Variants in MAP2 observed in about 807,000 individuals in gnomAD.
MAP2 encodes microtubule-associated protein 2.
A neutral mutation model predicts 137.6 loss-of-function variants in MAP2; 14 were observed. The ratio of observed to expected loss-of-function variants is 0.10; its 90% CI spans 0.07 to 0.16. The LOEUF is 0.16. MAP2 is among the 10% of genes least tolerant of loss of function. MAP2 has a pLI of 1.00. For missense variants in MAP2, 2,088 were observed against 2,191.5 expected (o/e 0.95, Z 0.94); for synonymous variants, 786 against 782.3 (o/e 1.00, Z -0.08).
At chr2:209,670,753 G>A (rs573400526) in intron 5 of MAP2, among the ~76,000 whole-genome samples, 4 of 151,842 alleles carry the variant, frequency 2.6e-5, no homozygotes, top group Non-Finnish European at 4.4e-5. Context: ...TTGTAAATCC[G>A]TTTCAGAAGA....
chr2:209,514,317 G>A (rs1475633775), intron 2 of MAP2, among the ~76,000 whole-genome samples: 1 of 151,890 alleles, frequency 6.6e-6, no homozygotes, highest in African/African-American at 2.4e-5. Flanking sequence ...TGTCTTTGGG[G>A]TGATTATTGT....
chr2:209,679,954 A>G (rs1462934513), intron 6 of MAP2, among the ~76,000 whole-genome samples: 1 of 152,150 alleles, frequency 6.6e-6, no homozygotes, highest in Non-Finnish European at 1.5e-5. Context: ...TTTAAAATAG[A>G]TTTAACCACT....
intron 2 of MAP2, among the ~76,000 whole-genome samples, chr2:209,510,020 A>G (rs1426581521): frequency 9.0e-6 from 1 of 111,062 alleles, no homozygotes; most frequent in Admixed American, 9.9e-5. Flanking sequence ...TTAATCTCCT[A>G]AAGTTATTAC....
At chr2:209,602,368 C>G (rs1442100254) in intron 3 of MAP2, among the ~76,000 whole-genome samples, 1 of 152,116 alleles carries the variant, frequency 6.6e-6, no homozygotes, top group African/African-American at 2.4e-5. Flanking sequence ...TACTTGGCTA[C>G]CCATCCAGTC....
intron 3 of MAP2, among the ~76,000 whole-genome samples, chr2:209,585,742 C>A (rs1057175101): frequency 6.6e-6 from 1 of 152,138 alleles, no homozygotes; most frequent in Non-Finnish European, 1.5e-5. Flanking sequence ...GTATATTACT[C>A]TTACACAATA....
intron 3 of MAP2, among the ~76,000 whole-genome samples, chr2:209,582,843 T>TC (rs949533516): frequency 2.6e-5 from 4 of 152,152 alleles, no homozygotes; most frequent in Non-Finnish European, 5.9e-5. Flanking sequence ...ACGGACAGTA[T>TC]CCTAAGTCCT....
In MAP2 at chr2:209,730,156, C is replaced by T. The variant is rs369711040; in HGVS notation, c.5269-26C>T. The T allele has an allele frequency of 3.8e-6, 6 of 1,592,674 alleles. No individual in the cohort carries two copies. The African/African-American group carries it at 6.7e-5, about 18-fold the overall frequency. On this transcript the variant is annotated intron_variant, in intron 15 of 15. Transcript: ENST00000682079. ...GGGCCAGTTAAGATGCATGAGTTAA[C>T]GAGGACTGATGCTTGTCTTAAACAG... is the stretch of plus-strand genomic sequence containing the variant.
intron 3 of MAP2, among the ~76,000 whole-genome samples, chr2:209,591,002 CAAAG>C (rs908928267): frequency 2.0e-5 from 3 of 152,142 alleles, no homozygotes; most frequent in Non-Finnish European, 1.5e-5. Flanking sequence ...AAAAACAAAA[CAAAG>C]AAGCCTCATA....
At chr2:209,728,938 G>A (rs2075113744) in intron 14 of MAP2, among the ~76,000 whole-genome samples, 1 of 152,196 alleles carries the variant, frequency 6.6e-6, no homozygotes, top group Admixed American at 6.5e-5. Flanking sequence ...GAGCAAATAA[G>A]GAGTCCAATT....
At chr2:209,713,871 T>C (rs995689326) in intron 13 of MAP2, among the ~76,000 whole-genome samples, 1 of 152,140 alleles carries the variant, frequency 6.6e-6, no homozygotes, top group Admixed American at 6.6e-5. Context: ...TTTTTCTCCA[T>C]TGGCTTTATG....
intron 2 of MAP2, among the ~76,000 whole-genome samples, chr2:209,571,394 T>A (rs970358991): frequency 1.3e-5 from 2 of 152,010 alleles, no homozygotes; most frequent in Non-Finnish European, 2.9e-5. Context: ...GTATTCCGAT[T>A]TCTTTCTCTG....
chr2:209,723,540 T>C, intron 13 of MAP2: 1 of 1,012,736 alleles, frequency 9.9e-7, no homozygotes. Flanking sequence ...TGGTTCCCTT[T>C]ATCCAGCATC....
intron 1 of MAP2, among the ~76,000 whole-genome samples, chr2:209,502,893 A>G (rs569280276): frequency 6.6e-6 from 1 of 152,196 alleles, no homozygotes; most frequent in Non-Finnish European, 1.5e-5. Context: ...TCTTTGGAAA[A>G]ATGTCTATTC....
At chr2:209,715,818 G>T (rs570071518) in intron 13 of MAP2, among the ~76,000 whole-genome samples, 1 of 152,280 alleles carries the variant, frequency 6.6e-6, no homozygotes, top group Non-Finnish European at 1.5e-5. Context: ...ATACATCTTT[G>T]AGTATAGAAA....
At chr2:209,467,521 A>G (rs1259533372) in intron 1 of MAP2, among the ~76,000 whole-genome samples, 1 of 152,050 alleles carries the variant, frequency 6.6e-6, no homozygotes, top group African/African-American at 2.4e-5. Flanking sequence ...ACCATTTCTC[A>G]CATACTCTTT....
intron 1 of MAP2, among the ~76,000 whole-genome samples, chr2:209,459,352 G>T (rs1458381198): frequency 6.6e-6 from 1 of 152,186 alleles, no homozygotes; most frequent in African/African-American, 2.4e-5. Flanking sequence ...TTAAGTGCTT[G>T]TCCAATGCTA....
intron 2 of MAP2, among the ~76,000 whole-genome samples, chr2:209,518,481 C>T (rs567110104): frequency 1.5e-4 from 23 of 152,144 alleles, no homozygotes; most frequent in Middle Eastern, 3.4e-3. Flanking sequence ...AACCAAAGCA[C>T]GCATAAGGGA....
At chr2:209,587,459 C>G (rs1014218977) in intron 3 of MAP2, among the ~76,000 whole-genome samples, 3 of 152,070 alleles carry the variant, frequency 2.0e-5, no homozygotes, top group Non-Finnish European at 2.9e-5. Context: ...TTTGTCAGAA[C>G]TCTATAGGAG....
intron 3 of MAP2, among the ~76,000 whole-genome samples, chr2:209,598,457 T>C (rs59518433): frequency 0.023 from 3,536 of 151,736 alleles, 143 homozygotes; most frequent in African/African-American, 0.081. Context: ...ATTTTTATTT[T>C]ATTATTATAC....
Sources: allele counts gnomAD v4.1 joint callset (sites outside exome capture counted in the v4.1 genomes callset), GRCh38; gene constraint gnomAD v4.1.1; transcripts MANE v1.5; gene names NCBI Gene and HGNC (gene_info 2026-07-23, HGNC 2026-07-21).